The following CSGALNACT1 variants were observed in gnomAD, a reference collection of about 807,000 sequenced individuals.
The protein encoded by CSGALNACT1 is beta4GalNAcT-1.
CSGALNACT1 carries 52 observed loss-of-function variants against 51.0 expected under a neutral mutation model. The ratio of observed to expected loss-of-function variants is 1.02; its 90% CI spans 0.82 to 1.29. The LOEUF is 1.29. Ranked by LOEUF, CSGALNACT1 falls within the 50% of genes most tolerant of loss-of-function variation. The pLI, the probability that CSGALNACT1 is intolerant of heterozygous loss-of-function variation, is 0.00. For synonymous variants in CSGALNACT1, 341 were observed against 254.4 expected (o/e 1.34, Z -3.24); for missense variants, 935 against 679.2 (o/e 1.38, Z -4.19).
intron 3 of CSGALNACT1, among the ~76,000 whole-genome samples, chr8:19,524,232 G>T (rs1327791403): frequency 6.6e-6 from 1 of 152,088 alleles, no homozygotes; most frequent in Non-Finnish European, 1.5e-5. Flanking sequence ...CAATGCTACA[G>T]CAAGGATCAC....
Position 19,737,308 on chromosome 8 carries a change from GA to G in CSGALNACT1, c.-297+20541del, listed in dbSNP as rs528085071. On this transcript the variant is annotated intron_variant, in intron 1 of 1. Transcript: ENST00000517494. ...GGAGGCAAGAAGAAACTGTGACTGG[GA>G]AAAAAAAATACATAAATGGGGTTAA... Among the ~76,000 whole-genome samples the G allele has an allele frequency of 2.6e-3, 393 of 150,510 alleles. 1 individual carries two copies. Among genetic ancestry groups the G allele is most frequent in the Admixed American group, 4.4e-3 (66 of 15,126 alleles).
At chr8:19,407,445 TG>T (rs1286155329) in intron 9 of CSGALNACT1, among the ~76,000 whole-genome samples, 1 of 152,100 alleles carries the variant, frequency 6.6e-6, no homozygotes, top group African/African-American at 2.4e-5. Context: ...GCTGAGCCCC[TG>T]CACCTGAGAT....
intron 1 of CSGALNACT1, among the ~76,000 whole-genome samples, chr8:19,627,005 A>G (rs999983278): frequency 1.4e-4 from 22 of 152,224 alleles, no homozygotes; most frequent in Admixed American, 1.3e-3. Flanking sequence ...AGTTTTTTAA[A>G]AAGTTAAACT....
At chr8:19,752,920 C>G (rs1489466191) in intron 1 of CSGALNACT1, among the ~76,000 whole-genome samples, 1 of 152,152 alleles carries the variant, frequency 6.6e-6, no homozygotes, top group African/African-American at 2.4e-5. Context: ...GGCACAACTC[C>G]CAAGTGCTGG....
At chr8:19,536,668 A>G (rs1212840294) in intron 3 of CSGALNACT1, among the ~76,000 whole-genome samples, 1 of 152,232 alleles carries the variant, frequency 6.6e-6, no homozygotes, top group Non-Finnish European at 1.5e-5. Flanking sequence ...AAGATTATAG[A>G]ATCTACGTAA....
chr8:19,703,362 G>C (rs369145203), intron 1 of CSGALNACT1, among the ~76,000 whole-genome samples: 1 of 152,152 alleles, frequency 6.6e-6, no homozygotes, highest in Non-Finnish European at 1.5e-5. Flanking sequence ...AGAGTGCAGC[G>C]GCGGGATCTC....
At chr8:19,634,574 A>G (rs1216221878) in intron 1 of CSGALNACT1, among the ~76,000 whole-genome samples, 1 of 152,170 alleles carries the variant, frequency 6.6e-6, no homozygotes, top group Non-Finnish European at 1.5e-5. Flanking sequence ...ACATGGGTGG[A>G]TCACTTGAGC....
intron 4 of CSGALNACT1, among the ~76,000 whole-genome samples, chr8:19,464,054 C>T (rs754298612): frequency 9.9e-5 from 15 of 152,210 alleles, no homozygotes; most frequent in African/African-American, 1.4e-4. Context: ...TGCGTGCAGA[C>T]GGGTTGTGAC....
chr8:19,603,548 A>G (rs995081624), upstream of CSGALNACT1, among the ~76,000 whole-genome samples: 3 of 152,132 alleles, frequency 2.0e-5, no homozygotes, highest in Non-Finnish European at 2.9e-5. Context: ...TGGAATAATC[A>G]CTTGGACCCG....
intron 1 of CSGALNACT1, among the ~76,000 whole-genome samples, chr8:19,692,186 A>G (rs913767986): frequency 2.6e-5 from 4 of 152,182 alleles, no homozygotes; most frequent in African/African-American, 7.2e-5. Context: ...CTCCCTCGAC[A>G]CACAGGAATT....
chr8:19,473,705 G>C (rs749814104), intron 4 of CSGALNACT1, among the ~76,000 whole-genome samples: 1 of 152,206 alleles, frequency 6.6e-6, no homozygotes, highest in Non-Finnish European at 1.5e-5. Flanking sequence ...CATTGGTTTT[G>C]TTGGAATGAC....
rs549056876 is a variant in CSGALNACT1, at chr8:19,502,165, C to G, written c.634+3036G>C. On this transcript the variant is annotated intron_variant, in intron 4 of 9. Coordinates refer to ENST00000454498, the Ensembl canonical transcript of CSGALNACT1. The stretch of plus-strand genomic sequence containing the variant: ...TGCTTCCTTTTATAGAAGAGGATCC[C>G]AAAGGGGAGGTGGCTTGTCCTGCCT... Among the ~76,000 whole-genome samples, 42 of 152,278 alleles carry G rather than the reference C, an allele frequency of 2.8e-4. No homozygotes were observed. The East Asian group carries it at 4.8e-3, about 17-fold the overall frequency.
intron 1 of CSGALNACT1, among the ~76,000 whole-genome samples, chr8:19,706,531 C>T (rs1470791080): frequency 6.6e-6 from 1 of 152,142 alleles, no homozygotes; most frequent in Non-Finnish European, 1.5e-5. Context: ...GCCCCAAGTC[C>T]ACAAAACACC....
chr8:19,684,489 G>T (rs1335360990), upstream of CSGALNACT1, among the ~76,000 whole-genome samples: 1 of 152,112 alleles, frequency 6.6e-6, no homozygotes, highest in East Asian at 1.9e-4. Flanking sequence ...GATAGGAATT[G>T]TCTCACTCCT....
chr8:19,584,182 G>A (rs1009422709), intron 3 of CSGALNACT1, among the ~76,000 whole-genome samples: 1 of 152,144 alleles, frequency 6.6e-6, no homozygotes, highest in Admixed American at 6.5e-5. Context: ...TTTTTCATCT[G>A]CAGAACGTAA....
chr8:19,688,161 G>C (rs969705479), intron 1 of CSGALNACT1, among the ~76,000 whole-genome samples: 1 of 152,188 alleles, frequency 6.6e-6, no homozygotes, highest in Non-Finnish European at 1.5e-5. Context: ...GGTCCCTGGA[G>C]ACATCGGTGG....
intron 3 of CSGALNACT1, among the ~76,000 whole-genome samples, chr8:19,515,514 T>C (rs1469742663): frequency 2.0e-5 from 3 of 152,026 alleles, no homozygotes; most frequent in Non-Finnish European, 2.9e-5. Flanking sequence ...GAATTCTCAA[T>C]AGAAAAGCAA....
chr8:19,635,370 C>T (rs558960044), intron 1 of CSGALNACT1, among the ~76,000 whole-genome samples: 23 of 152,328 alleles, frequency 1.5e-4, no homozygotes, highest in African/African-American at 5.3e-4. Context: ...GTGTGTTGCC[C>T]TCACTTTAGA....
intron 5 of CSGALNACT1, among the ~76,000 whole-genome samples, chr8:19,444,732 G>T (rs191201115): frequency 1.3e-5 from 2 of 152,114 alleles, no homozygotes; most frequent in East Asian, 1.9e-4. Flanking sequence ...TAGAAGACAC[G>T]GTTCTTGCCC....
Sources: gnomAD v4.1 joint callset for allele counts (sites outside exome capture counted in the v4.1 genomes callset) on GRCh38, gnomAD v4.1.1 for gene constraint, MANE v1.5 for transcripts, NCBI Gene and HGNC (gene_info 2026-07-23, HGNC 2026-07-21) for gene names.